The following MEGF11 variants were observed in gnomAD, a reference collection of about 807,000 sequenced individuals.
MEGF11 encodes multiple EGF like domains 11, also known as multiple epidermal growth factor-like domains protein 11.
A neutral mutation model predicts 146.6 loss-of-function variants in MEGF11; 126 were observed. The observed-to-expected ratio is 0.86, with a 90% CI of 0.74 to 1.00. MEGF11 has a LOEUF of 1.00. Among genes scored for constraint, MEGF11 ranks in the 50% least tolerant of loss-of-function variants. The probability of loss-of-function intolerance (pLI) is 0.00; values close to 1 mark genes in which losing one functional copy is unlikely to be tolerated. For missense variants in MEGF11, 1,509 were observed against 1,521.2 expected (o/e 0.99, Z 0.13); for synonymous variants, 532 against 583.4 (o/e 0.91, Z 1.27).
chr15:65,978,084 G>A (rs772699121), intron 7 of MEGF11, among the ~76,000 whole-genome samples: 1 of 152,278 alleles, frequency 6.6e-6, no homozygotes, highest in Non-Finnish European at 1.5e-5. Context: ...GAGGGCCAGA[G>A]TTCCTAGCAG....
chr15:66,054,933 T>C (rs921630945), intron 5 of MEGF11, among the ~76,000 whole-genome samples: 19 of 152,146 alleles, frequency 1.2e-4, no homozygotes, highest in African/African-American at 4.6e-4. Flanking sequence ...AAAGTATATG[T>C]CTACATCTCA....
At chr15:66,141,255 TG>T (rs2089139526) in intron 1 of MEGF11, among the ~76,000 whole-genome samples, 2 of 136,472 alleles carry the variant, frequency 1.5e-5, no homozygotes, top group Admixed American at 1.5e-4. Flanking sequence ...TGTGTGTGTG[TG>T]TGTGTGTGTG....
chr15:66,030,077 C>T (rs1272692628), intron 5 of MEGF11, among the ~76,000 whole-genome samples: 1 of 152,244 alleles, frequency 6.6e-6, no homozygotes. Context: ...TGGGAATTCT[C>T]AGCAATCTTG....
At chr15:66,196,654 C>T (rs1027334977) in intron 1 of MEGF11, among the ~76,000 whole-genome samples, 2 of 152,196 alleles carry the variant, frequency 1.3e-5, no homozygotes, top group Admixed American at 6.5e-5. Context: ...TTTGTGACTT[C>T]TCTGAAGTGT....
At chr15:65,983,002 C>T (rs2081713856) in intron 5 of MEGF11, among the ~76,000 whole-genome samples, 1 of 152,106 alleles carries the variant, frequency 6.6e-6, no homozygotes, top group Non-Finnish European at 1.5e-5. Context: ...TCTCCCTCTT[C>T]CCCACACGCA....
chr15:65,999,156 T>C (rs1376590330), intron 5 of MEGF11, among the ~76,000 whole-genome samples: 1 of 151,942 alleles, frequency 6.6e-6, no homozygotes, highest in East Asian at 1.9e-4. Flanking sequence ...GTGATCCTCC[T>C]GAGTAGCTGG....
At chr15:66,064,166 G>A (rs1018864427) in intron 5 of MEGF11, among the ~76,000 whole-genome samples, 8 of 152,264 alleles carry the variant, frequency 5.3e-5, no homozygotes, top group African/African-American at 9.6e-5. Flanking sequence ...TCAGGAGTTC[G>A]AGATCAGATT....
At chr15:66,219,849 C>T (rs1405158929) in intron 1 of MEGF11, among the ~76,000 whole-genome samples, 1 of 152,086 alleles carries the variant, frequency 6.6e-6, no homozygotes, top group Non-Finnish European at 1.5e-5. Context: ...CTGTAAATAG[C>T]CCAGATGTCC....
chr15:65,953,138 A>G (rs71398244), intron 10 of MEGF11, among the ~76,000 whole-genome samples: 1,959 of 152,258 alleles, frequency 0.013, 11 homozygotes, highest in Non-Finnish European at 0.018. Context: ...GGGGGAAGCA[A>G]CGTTCCCCCA....
intron 1 of MEGF11, among the ~76,000 whole-genome samples, chr15:66,195,526 G>A (rs989331318): frequency 3.3e-5 from 5 of 152,250 alleles, no homozygotes; most frequent in African/African-American, 1.2e-4. Context: ...CAGGGCAAGA[G>A]AGAGGTTCAG....
chr15:66,079,643 G>C (rs1461445223), intron 5 of MEGF11, among the ~76,000 whole-genome samples: 1 of 149,836 alleles, frequency 6.7e-6, no homozygotes, highest in Non-Finnish European at 1.5e-5. Context: ...GACAAGGAAC[G>C]AATCTCCAGG....
intron 1 of MEGF11, among the ~76,000 whole-genome samples, chr15:66,199,248 C>T (rs973037056): frequency 3.3e-5 from 5 of 152,072 alleles, no homozygotes; most frequent in Non-Finnish European, 5.9e-5. Context: ...CATAAATTGA[C>T]GTATATTAGA....
intron 18 of MEGF11, among the ~76,000 whole-genome samples, chr15:65,915,909 T>G (rs151238208): frequency 3.3e-5 from 5 of 152,286 alleles, no homozygotes; most frequent in Non-Finnish European, 7.4e-5. Flanking sequence ...CCTCCCACTA[T>G]TCTCTCATTA....
In MEGF11 at chr15:66,225,795, C is replaced by G. The variant is rs186817649; in HGVS notation, c.-9+27810G>C. Among the ~76,000 whole-genome samples the G allele has an allele frequency of 5.9e-5, 9 of 152,254 alleles. 1 individual carries two copies. The South Asian group carries it at 1.9e-3, about 32-fold the overall frequency. On this transcript the variant is annotated intron_variant, in intron 1 of 25. Transcript: ENST00000395614. ...ATGAAGGCATATGTTTACAAGCACA[C>G]ACTCGCATAAGATCACACACTGAGG...
rs2078379382 is a variant in MEGF11, at chr15:65,897,479, G to A, written c.*455C>T. 1 of 152,370 alleles carries A rather than the reference G, an allele frequency of 6.6e-6. No individual in the cohort carries two copies. Among genetic ancestry groups the A allele is most frequent in the African/African-American group, 2.4e-5 (1 of 41,382 alleles). 9.4% of individuals were successfully genotyped at this position (152,370 alleles called of 1,614,324 possible). A position where few individuals can be genotyped will look rare whatever the true frequency, so the allele number is the denominator to read the frequency against. On this transcript the variant is annotated 3_prime_UTR_variant, in exon 26 of 26. Coordinates refer to ENST00000395614, the MANE Select transcript of MEGF11 (RefSeq NM_001385028.1). ...TCATGTCTGTGTACTAATTGTCTTC[G>A]GTAATAAAACAGATGTTGATGGTAA...
chr15:65,957,746 A>G (rs781765957), intron 9 of MEGF11, 25 bp from the exon 10 acceptor site: 1 of 1,611,412 alleles, frequency 6.2e-7, no homozygotes, highest in East Asian at 2.2e-5. Flanking sequence ...GAAGGGTGAG[A>G]AGACAGCTTG....
intron 13 of MEGF11, among the ~76,000 whole-genome samples, chr15:65,928,088 T>C (rs773515623): frequency 3.9e-5 from 6 of 152,100 alleles, no homozygotes; most frequent in Non-Finnish European, 8.8e-5. Flanking sequence ...AGGATAGATA[T>C]AAGGACCAGG....
intron 9 of MEGF11, among the ~76,000 whole-genome samples, chr15:65,958,311 C>T (rs1024233027): frequency 1.3e-5 from 2 of 152,224 alleles, no homozygotes; most frequent in African/African-American, 2.4e-5. Flanking sequence ...AGTGAGCAAG[C>T]TCTTCTCCAT....
intron 8 of MEGF11, among the ~76,000 whole-genome samples, chr15:65,968,873 A>G (rs35322259): frequency 0.013 from 1,964 of 152,310 alleles, 11 homozygotes; most frequent in Non-Finnish European, 0.018. Context: ...CTGCATTATT[A>G]CACCCACTCA....
Sources: gnomAD v4.1 joint callset for allele counts (sites outside exome capture counted in the v4.1 genomes callset) on GRCh38, gnomAD v4.1.1 for gene constraint, MANE v1.5 for transcripts, NCBI Gene and HGNC (gene_info 2026-07-23, HGNC 2026-07-21) for gene names.